Variants in VGLL4 observed in about 807,000 individuals in gnomAD.
VGLL4 encodes transcription cofactor vestigial-like protein 4.
VGLL4 carries 7 observed loss-of-function variants against 21.0 expected under a neutral mutation model. The ratio of observed to expected loss-of-function variants is 0.33; its 90% CI spans 0.19 to 0.63. The LOEUF (loss-of-function observed/expected upper bound fraction) is 0.63. VGLL4 is among the 20% of genes least tolerant of loss of function. The pLI is 0.78. For missense variants in VGLL4, 394 were observed against 425.7 expected, an observed-to-expected ratio of 0.93 and a Z score of 0.66; for synonymous variants, 222 against 173.2, an observed-to-expected ratio of 1.28 and a Z score of -2.21.
At chr3:11,702,161 A>G (rs1002996114) in intron 2 of VGLL4, among the ~76,000 whole-genome samples, 20 of 151,954 alleles carry the variant, frequency 1.3e-4, no homozygotes, top group Non-Finnish European at 2.2e-4. Context: ...TCCCATCTCT[A>G]GCTCTCTGCT....
chr3:11,560,015 C>T (rs1224953642), intron 3 of VGLL4, among the ~76,000 whole-genome samples: 1 of 152,144 alleles, frequency 6.6e-6, no homozygotes, highest in Non-Finnish European at 1.5e-5. Flanking sequence ...ACATCCCACC[C>T]CAGCCCGATC....
chr3:11,706,901 G>A (rs1369480377), intron 1 of VGLL4, among the ~76,000 whole-genome samples: 1 of 152,122 alleles, frequency 6.6e-6, no homozygotes. Flanking sequence ...TGATGCGGGT[G>A]GCCTTAGGAA....
chr3:11,670,857 A>G (rs1038699794), intron 2 of VGLL4, among the ~76,000 whole-genome samples: 12 of 152,080 alleles, frequency 7.9e-5, no homozygotes, highest in Admixed American at 6.6e-5. Context: ...GGCCAACATG[A>G]TGAAACCCCA....
chr3:11,583,175 C>A (rs1459636936), intron 2 of VGLL4, among the ~76,000 whole-genome samples: 1 of 152,222 alleles, frequency 6.6e-6, no homozygotes, highest in Non-Finnish European at 1.5e-5. Flanking sequence ...CCAAGCCCAG[C>A]TGCTTTCAGA....
At position 11,573,731 on chromosome 3, in the gene VGLL4, T is replaced by TC. The variant is rs1164964086; in HGVS notation, c.273-8713dup. ...ATCTTTTCATACACTTACTGACCAT[T>TC]CTACTTTATGCTGTGAACTGCCTTT... On this transcript the variant is annotated intron_variant, in intron 2 of 4. Transcript: ENST00000430365. Among the ~76,000 whole-genome samples, 3 of 152,368 alleles carry TC rather than the reference T, an allele frequency of 2.0e-5. No homozygotes were observed. In the East Asian group the frequency reaches 5.8e-4, roughly 29 times the overall value.
chr3:11,601,062 T>A (rs1243103883), intron 2 of VGLL4, among the ~76,000 whole-genome samples: 1 of 152,080 alleles, frequency 6.6e-6, no homozygotes, highest in African/African-American at 2.4e-5. Context: ...GAGGAGGGTG[T>A]GTGCCGAGAG....
At chr3:11,569,034 C>A in intron 2 of VGLL4, 2 of 729,934 alleles carry the variant, frequency 2.7e-6, no homozygotes, top group Middle Eastern at 6.4e-4. Flanking sequence ...AAGCCACACG[C>A]TCTCTAAGCT....
chr3:11,556,283 GC>G lies in VGLL4; in HGVS notation c.*2272del, dbSNP rs1478539793. On this transcript the variant is annotated 3_prime_UTR_variant, in exon 5 of 5. Coordinates refer to ENST00000430365, the MANE Select transcript of VGLL4 (RefSeq NM_001128219.3). ...AGCCCCTTCTTAGAGCAGGGAGGGGGCTTTCTCAGTGAAATGTTTGGTTTTC... is the reference window on the plus strand; with the variant it reads ...AGCCCCTTCTTAGAGCAGGGAGGGGGTTTCTCAGTGAAATGTTTGGTTTTC... 6.5e-6 allele frequency: 1 copy of G among 152,706 alleles called. No individual in the cohort carries two copies. Among genetic ancestry groups the G allele is most frequent in the Non-Finnish European group, 1.5e-5 (1 of 68,072 alleles). 9.5% of individuals were successfully genotyped at this position (152,706 alleles called of 1,614,324 possible).
At chr3:11,559,052 G>T (rs1297655594) in intron 4 of VGLL4, among the ~76,000 whole-genome samples, 1 of 152,238 alleles carries the variant, frequency 6.6e-6, no homozygotes, top group African/African-American at 2.4e-5. Flanking sequence ...TCCGAGTTCA[G>T]AAAGAGAATG....
intron 2 of VGLL4, among the ~76,000 whole-genome samples, chr3:11,567,700 G>A (rs978247906): frequency 2.0e-5 from 3 of 152,214 alleles, no homozygotes; most frequent in African/African-American, 4.8e-5. Flanking sequence ...CGGAACGGAC[G>A]TCAGGCCAAG....
intron 1 of VGLL4, among the ~76,000 whole-genome samples, chr3:11,714,338 G>C (rs1372334472): frequency 6.6e-6 from 1 of 152,096 alleles, no homozygotes; most frequent in Non-Finnish European, 1.5e-5. Context: ...TAAAAATCAA[G>C]TCTGAACTTT....
chr3:11,721,342 G>T (rs980491401), upstream of VGLL4: 1 of 152,250 alleles, frequency 6.6e-6, no homozygotes, highest in African/African-American at 2.4e-5. Context: ...CCATGTTTCA[G>T]TGAGATTAAA....
intron 2 of VGLL4, among the ~76,000 whole-genome samples, chr3:11,573,300 AAAGAAAGGAAGG>A (rs1345489627): frequency 0.015 from 141 of 9,490 alleles, 5 homozygotes; most frequent in East Asian, 0.068. Context: ...AGAAAGAAAG[AAAGAAAGGAAGG>A]AAGGAAGAAA....
chr3:11,610,836 AGT>A (rs1405410282), intron 1 of VGLL4: 2 of 152,204 alleles, frequency 1.3e-5, no homozygotes, highest in Non-Finnish European at 2.9e-5. Context: ...ATCTTCTATG[AGT>A]GTGTTTTATT....
rs2072612586 is a variant in VGLL4 at position 11,558,154 on chromosome 3, CCA to C, written c.*400_*401del. ...AACCAAACACGCCGTGGAAGCTGAG[CCA>C]CACACACCCCGGTCTCAAGAAGCAA... On this transcript the variant is annotated 3_prime_UTR_variant, in exon 5 of 5. Coordinates refer to ENST00000430365, the MANE Select transcript of VGLL4 (RefSeq NM_001128219.3). The C allele has an allele frequency of 4.1e-6, 1 of 244,360 alleles. No individual in the cohort carries two copies. Among genetic ancestry groups the C allele is most frequent in the Non-Finnish European group, 8.0e-6 (1 of 124,996 alleles). The allele number at this position is 244,360 out of a possible 1,614,324, so 15.1% of individuals were successfully genotyped here. A position where few individuals can be genotyped will look rare whatever the true frequency, so the allele number is the denominator to read the frequency against.
chr3:11,666,672 C>G (rs544510920), intron 2 of VGLL4, among the ~76,000 whole-genome samples: 1 of 152,292 alleles, frequency 6.6e-6, no homozygotes, highest in African/African-American at 2.4e-5. Context: ...AAATGCATAT[C>G]TGGACATAAT....
At chr3:11,602,984 G>A (rs1273138559) in intron 1 of VGLL4, among the ~76,000 whole-genome samples, 1 of 152,102 alleles carries the variant, frequency 6.6e-6, no homozygotes, top group Non-Finnish European at 1.5e-5. Flanking sequence ...TGGTCTCTCG[G>A]ACCTGACCAA....
Position 11,557,824 on chromosome 3 carries a change from C to T in VGLL4, c.*732G>A, listed in dbSNP as rs971994379. Reference sequence around the variant, plus strand: ...CAGTGTTCAGAGAAGATAAAATGCCCGTGATTGGTAGAGTCTGCAGTCCAG... The same window carrying T: ...CAGTGTTCAGAGAAGATAAAATGCCTGTGATTGGTAGAGTCTGCAGTCCAG... On this transcript the variant is annotated 3_prime_UTR_variant, in exon 5 of 5. Coordinates refer to ENST00000430365, the MANE Select transcript of VGLL4 (RefSeq NM_001128219.3). The T allele has an allele frequency of 6.6e-6, 1 of 152,510 alleles. No individual in the cohort carries two copies. Among genetic ancestry groups the T allele is most frequent in the African/African-American group, 2.4e-5 (1 of 41,358 alleles). 9.4% of individuals were successfully genotyped at this position (152,510 alleles called of 1,614,324 possible).
intron 1 of VGLL4, among the ~76,000 whole-genome samples, chr3:11,717,795 A>C (rs532578882): frequency 2.6e-5 from 4 of 152,338 alleles, no homozygotes; most frequent in African/African-American, 9.6e-5. Context: ...TTTATAAATA[A>C]CACAAAATAC....
Sources: gnomAD v4.1 joint callset for allele counts (sites outside exome capture counted in the v4.1 genomes callset) on GRCh38, gnomAD v4.1.1 for gene constraint, MANE v1.5 for transcripts, NCBI Gene and HGNC (gene_info 2026-07-23, HGNC 2026-07-21) for gene names.